The following SPECC1 variants were observed in gnomAD, a reference collection of about 807,000 sequenced individuals.
The protein encoded by SPECC1 is cytospin-B.
SPECC1 carries 62 observed loss-of-function variants against 104.1 expected under a neutral mutation model. The observed-to-expected ratio is 0.60, with a 90% CI of 0.49 to 0.74. The LOEUF (loss-of-function observed/expected upper bound fraction) is 0.74. SPECC1 is among the 30% of genes least tolerant of loss of function. SPECC1 has a pLI of 0.00. For synonymous variants in SPECC1, 513 were observed against 501.6 expected, an observed-to-expected ratio of 1.02 and a Z score of -0.30; for missense variants, 1,306 against 1,310.5, an observed-to-expected ratio of 1.00 and a Z score of 0.05.
intron 3 of SPECC1, among the ~76,000 whole-genome samples, chr17:20,162,548 CAT>C (rs959684339): frequency 3.9e-5 from 6 of 152,190 alleles, no homozygotes; most frequent in African/African-American, 1.4e-4. Context: ...TAGGTTAAAA[CAT>C]ATGAAGGCTT....
intron 3 of SPECC1, among the ~76,000 whole-genome samples, chr17:20,152,455 T>C (rs1429121707): frequency 7.4e-6 from 1 of 135,122 alleles, no homozygotes; most frequent in Non-Finnish European, 1.8e-5. Flanking sequence ...CTGCTTCAGC[T>C]GCCATAACCA....
chr17:20,117,638 A>T (rs1414557596), intron 3 of SPECC1, among the ~76,000 whole-genome samples: 1 of 150,568 alleles, frequency 6.6e-6, no homozygotes, highest in East Asian at 2.0e-4. Context: ...ATAAATAAAT[A>T]AAAATTAGCT....
chr17:20,131,931 C>T (rs185963243), intron 3 of SPECC1, among the ~76,000 whole-genome samples: 195 of 152,224 alleles, frequency 1.3e-3, no homozygotes, highest in Non-Finnish European at 2.4e-3. Context: ...GGATTACAGG[C>T]GTGAGCCACT....
rs189195926 is a variant in SPECC1, at chr17:20,269,299, G to A, written c.2940+9005G>A. On this transcript the variant is annotated intron_variant, in intron 12 of 14. Transcript: ENST00000395527. The stretch of plus-strand genomic sequence containing the variant: ...TCCAGAACTGATGAGAGGGGCTCAC[G>A]GTGCTGAAACTGTTTGTGCAAACAC... Among the ~76,000 whole-genome samples, 370 of 152,308 alleles carry A rather than the reference G, an allele frequency of 2.4e-3. 1 individual carries two copies. Among genetic ancestry groups the A allele is most frequent in the African/African-American group, 8.5e-3 (354 of 41,552 alleles).
In SPECC1 at chr17:20,303,481, G is replaced by GT. The variant is rs137979496; in HGVS notation, c.3058-2535dup. On this transcript the variant is annotated intron_variant, in intron 13 of 14. Coordinates refer to ENST00000395527, the MANE Select transcript of SPECC1 (RefSeq NM_001243439.2). ...GAAAATGTGGTGGCTACATCTTTCT[G>GT]TTTTTTTGGTGACCTGGTGCCTAGA... Among the ~76,000 whole-genome samples the GT allele has an allele frequency of 8.6e-3, 1,302 of 152,204 alleles. 12 individuals carry two copies. The highest frequency in any genetic ancestry group is 0.028 in the African/African-American group (1,180 of 41,512).
intron 12 of SPECC1, among the ~76,000 whole-genome samples, chr17:20,291,664 C>T (rs2041169225): frequency 1.3e-5 from 2 of 152,082 alleles, no homozygotes; most frequent in African/African-American, 4.8e-5. Flanking sequence ...CCTGCTTCAG[C>T]CTCCCAAGTA....
intron 3 of SPECC1, among the ~76,000 whole-genome samples, chr17:20,154,559 G>T (rs2032289994): frequency 1.3e-5 from 2 of 152,220 alleles, no homozygotes; most frequent in African/African-American, 4.8e-5. Flanking sequence ...TGGGGGAAGA[G>T]GAGGATTATT....
chr17:20,022,013 C>T (rs755465410), intron 1 of SPECC1, among the ~76,000 whole-genome samples: 1 of 151,996 alleles, frequency 6.6e-6, no homozygotes, highest in Non-Finnish European at 1.5e-5. Flanking sequence ...ATGGTCTCGG[C>T]TCACTGCAAT....
Position 20,203,080 on chromosome 17 carries a change from G to A in SPECC1, c.284-1253G>A, listed in dbSNP as rs147540946. Among the ~76,000 whole-genome samples, 564 of 152,144 alleles carry A rather than the reference G, an allele frequency of 3.7e-3. 3 individuals carry two copies. Among genetic ancestry groups the A allele is most frequent in the African/African-American group, 0.012 (488 of 41,508 alleles). ...TGGTGGGTTTACAGCTGCCCATCTTGTTAGGTGTGGAACCTGCCTTAGCGC... is the reference window on the plus strand; with the variant it reads ...TGGTGGGTTTACAGCTGCCCATCTTATTAGGTGTGGAACCTGCCTTAGCGC... On this transcript the variant is annotated intron_variant, in intron 3 of 14. Transcript: ENST00000395527.
intron 1 of SPECC1, among the ~76,000 whole-genome samples, chr17:20,046,202 T>C (rs2045533726): frequency 6.6e-6 from 1 of 152,164 alleles, no homozygotes; most frequent in Admixed American, 6.5e-5. Context: ...CACCTCAGCC[T>C]CCTGAGTAGC....
intron 1 of SPECC1, among the ~76,000 whole-genome samples, chr17:20,035,877 G>C (rs918864768): frequency 6.6e-6 from 1 of 151,906 alleles, no homozygotes; most frequent in Non-Finnish European, 1.5e-5. Flanking sequence ...CTCTCACCCA[G>C]GCTGGAGTGC....
rs1451079876 is a variant in SPECC1, at chr17:20,205,262, G to T, written c.1213G>T (p.Val405Leu). 1 of 1,614,156 alleles carries T rather than the reference G, an allele frequency of 6.2e-7. No individual in the cohort carries two copies. Among genetic ancestry groups the T allele is most frequent in the Non-Finnish European group, 8.5e-7 (1 of 1,180,044 alleles). The change falls in exon 4 of 15, where the codon GTA (valine) becomes TTA (leucine). Residue 405 changes from valine to leucine, a missense_variant. Transcript: ENST00000395527. Reference protein sequence around the residue: ...LQELSDQQQMVQELTAENEKL... With the variant: ...LQELSDQQQMLQELTAENEKL... ...AGAATTATCAGACCAGCAACAAATG[G>T]TACAGGAATTGACAGCTGAAAATGA...
At chr17:20,185,362 C>G (rs1318098533) in intron 3 of SPECC1, among the ~76,000 whole-genome samples, 2 of 152,198 alleles carry the variant, frequency 1.3e-5, no homozygotes, top group Non-Finnish European at 2.9e-5. Context: ...GCAGGCCCCT[C>G]TTGTTTGCGG....
At chr17:20,016,767 C>G (rs1338541305) in intron 1 of SPECC1, among the ~76,000 whole-genome samples, 1 of 152,358 alleles carries the variant, frequency 6.6e-6, no homozygotes, top group South Asian at 2.1e-4. Context: ...CCCTGCTCCA[C>G]GGCGCCCAGT....
chr17:20,156,280 C>G (rs1002375646), intron 3 of SPECC1: 1 of 1,328,146 alleles, frequency 7.5e-7, no homozygotes, highest in African/African-American at 1.5e-5. Flanking sequence ...GCAACCCCAC[C>G]CCCCCTCCAG....
intron 7 of SPECC1, 105 bp downstream of exon 7, chr17:20,232,510 C>A: frequency 7.7e-7 from 1 of 1,295,426 alleles, no homozygotes; most frequent in Non-Finnish European, 1.0e-6. Flanking sequence ...TCTGCTATTT[C>A]CTTTCTGAGA....
chr17:20,137,000 A>G (rs2030070958), intron 3 of SPECC1, among the ~76,000 whole-genome samples: 1 of 152,236 alleles, frequency 6.6e-6, no homozygotes, highest in African/African-American at 2.4e-5. Context: ...TTGGATGTAT[A>G]TGCCTGAGGG....
intron 1 of SPECC1, among the ~76,000 whole-genome samples, chr17:20,092,987 G>C (rs905931050): frequency 1.3e-5 from 2 of 152,154 alleles, no homozygotes; most frequent in Non-Finnish European, 2.9e-5. Context: ...ATTTAAACTG[G>C]ATCTGAATCT....
At chr17:20,081,828 C>T (rs1453353858) in intron 1 of SPECC1, among the ~76,000 whole-genome samples, 1 of 152,108 alleles carries the variant, frequency 6.6e-6, no homozygotes, top group Non-Finnish European at 1.5e-5. Context: ...AACACACACA[C>T]AACTTTTCAA....
Sources: gnomAD v4.1 joint callset for allele counts (sites outside exome capture counted in the v4.1 genomes callset) on GRCh38, gnomAD v4.1.1 for gene constraint, MANE v1.5 for transcripts, NCBI Gene and HGNC (gene_info 2026-07-23, HGNC 2026-07-21) for gene names.